Variants in PCDH7 observed in about 807,000 individuals in gnomAD.
PCDH7 encodes the protein protocadherin 7.
PCDH7 carries 17 observed loss-of-function variants against 58.9 expected under a neutral mutation model. The ratio of observed to expected loss-of-function variants is 0.29; its 90% CI spans 0.20 to 0.43. PCDH7 has a LOEUF of 0.43. Ranked by LOEUF, PCDH7 falls within the 20% of genes least tolerant of loss-of-function variation. PCDH7 has a pLI of 1.00. For synonymous variants in PCDH7, 664 were observed against 616.4 expected, an observed-to-expected ratio of 1.08 and a Z score of -1.14; for missense variants, 1,274 against 1,441.0, an observed-to-expected ratio of 0.88 and a Z score of 1.88.
intron 3 of PCDH7, among the ~76,000 whole-genome samples, chr4:31,085,855 T>TC (rs1712357733): frequency 1.6e-5 from 2 of 122,450 alleles, no homozygotes; most frequent in Non-Finnish European, 3.7e-5. Flanking sequence ...CTCTCTCTCT[T>TC]TTTTTTTTTT....
chr4:31,083,783 A>C (rs1387520322), intron 3 of PCDH7, among the ~76,000 whole-genome samples: 2 of 152,252 alleles, frequency 1.3e-5, no homozygotes, highest in Non-Finnish European at 2.9e-5. Context: ...CAGATGTGTC[A>C]AAGTGTAACT....
chr4:31,023,590 G>T (rs1044465957), intron 3 of PCDH7, among the ~76,000 whole-genome samples: 1 of 152,156 alleles, frequency 6.6e-6, no homozygotes, highest in Non-Finnish European at 1.5e-5. Context: ...GTGCAGGTAA[G>T]AAACTAAAAC....
At chr4:31,007,982 G>T (rs1003951027) in intron 3 of PCDH7, among the ~76,000 whole-genome samples, 3 of 151,910 alleles carry the variant, frequency 2.0e-5, no homozygotes, top group African/African-American at 4.8e-5. Context: ...CCACTTAATC[G>T]CTGCAGCATG....
intron 2 of PCDH7, among the ~76,000 whole-genome samples, chr4:30,947,040 A>C (rs1746779056): frequency 6.6e-6 from 1 of 152,088 alleles, no homozygotes; most frequent in African/African-American, 2.4e-5. Flanking sequence ...TCCCAGCTAA[A>C]GAACTCATTC....
chr4:30,792,528 T>C (rs1724253771), intron 1 of PCDH7, among the ~76,000 whole-genome samples: 1 of 152,172 alleles, frequency 6.6e-6, no homozygotes, highest in South Asian at 2.1e-4. Context: ...AGCTGCTTTT[T>C]TTGAAGTTCT....
At chr4:31,025,905 AG>A (rs1192835540) in intron 3 of PCDH7, among the ~76,000 whole-genome samples, 2 of 152,250 alleles carry the variant, frequency 1.3e-5, no homozygotes, top group Non-Finnish European at 2.9e-5. Context: ...GGAAGTTTCC[AG>A]GACATACAGA....
At chr4:31,042,624 A>G (rs1362664916) in intron 3 of PCDH7, among the ~76,000 whole-genome samples, 1 of 152,118 alleles carries the variant, frequency 6.6e-6, no homozygotes, top group Non-Finnish European at 1.5e-5. Flanking sequence ...TCGAAGTCAA[A>G]CTCAAAAATT....
At chr4:31,031,302 T>C (rs974924867) in intron 3 of PCDH7, among the ~76,000 whole-genome samples, 3 of 152,148 alleles carry the variant, frequency 2.0e-5, no homozygotes, top group Non-Finnish European at 2.9e-5. Context: ...ATTTAGTAAG[T>C]AGAAGTCAAG....
At chr4:30,896,039 C>T (rs73812662) in intron 1 of PCDH7, among the ~76,000 whole-genome samples, 2,158 of 152,288 alleles carry the variant, frequency 0.014, 45 homozygotes, top group African/African-American at 0.049. Flanking sequence ...ATAATTTTGA[C>T]TACATAAACC....
At chr4:31,061,492 A>C (rs1363068462) in intron 3 of PCDH7, among the ~76,000 whole-genome samples, 1 of 151,604 alleles carries the variant, frequency 6.6e-6, no homozygotes, top group Non-Finnish European at 1.5e-5. Flanking sequence ...TTACTATCAG[A>C]AAATATAAAA....
intron 1 of PCDH7, among the ~76,000 whole-genome samples, chr4:30,777,008 G>A (rs1722154712): frequency 6.6e-6 from 1 of 151,866 alleles, no homozygotes; most frequent in Admixed American, 6.6e-5. Flanking sequence ...CATTTGAAAA[G>A]GTATAACAAG....
intron 3 of PCDH7, among the ~76,000 whole-genome samples, chr4:30,986,002 A>G (rs1750933412): frequency 6.6e-6 from 1 of 152,238 alleles, no homozygotes; most frequent in Non-Finnish European, 1.5e-5. Context: ...CAAGACTATC[A>G]TAATTATTGT....
At chr4:30,862,416 A>G (rs1263143372) in intron 1 of PCDH7, among the ~76,000 whole-genome samples, 2 of 152,186 alleles carry the variant, frequency 1.3e-5, no homozygotes, top group Admixed American at 6.5e-5. Context: ...AATGTAGAAC[A>G]TCATGCTGAG....
At chr4:30,749,539 T>C (rs1718231496) in intron 1 of PCDH7, among the ~76,000 whole-genome samples, 1 of 152,164 alleles carries the variant, frequency 6.6e-6, no homozygotes, top group South Asian at 2.1e-4. Flanking sequence ...TGGTGGTCTT[T>C]TTTCTGTAGA....
intron 1 of PCDH7, among the ~76,000 whole-genome samples, chr4:30,818,263 G>A (rs1420067443): frequency 6.6e-6 from 1 of 152,132 alleles, no homozygotes; most frequent in East Asian, 1.9e-4. Context: ...GTGTATGTAT[G>A]TGTGATATTT....
intron 1 of PCDH7, among the ~76,000 whole-genome samples, chr4:30,777,376 CA>C (rs1722210226): frequency 6.6e-6 from 1 of 152,152 alleles, no homozygotes; most frequent in Non-Finnish European, 1.5e-5. Context: ...AAAGCTCAAA[CA>C]TTTCAGGAAT....
chr4:31,079,351 T>TATATATATAG (rs1560628166), intron 3 of PCDH7, among the ~76,000 whole-genome samples: 1 of 83,502 alleles, frequency 1.2e-5, no homozygotes. Flanking sequence ...TATATATATA[T>TATATATATAG]ATATATATAT....
At chr4:30,978,351 T>C (rs2109106475) in intron 3 of PCDH7, among the ~76,000 whole-genome samples, 1 of 152,338 alleles carries the variant, frequency 6.6e-6, no homozygotes, top group African/African-American at 2.4e-5. Context: ...ATTTTCTAAA[T>C]ACTATTTCCA....
chr4:30,759,776 G>C (rs1374778393), intron 1 of PCDH7, among the ~76,000 whole-genome samples: 1 of 151,936 alleles, frequency 6.6e-6, no homozygotes, highest in East Asian at 1.9e-4. Flanking sequence ...ATTAACAGTG[G>C]TTAAGTGCTA....
Sources: allele counts gnomAD v4.1 joint callset (sites outside exome capture counted in the v4.1 genomes callset), GRCh38; gene constraint gnomAD v4.1.1; transcripts MANE v1.5; gene names NCBI Gene and HGNC (gene_info 2026-07-23, HGNC 2026-07-21).